RPL39L: variants seen among roughly 807,000 people sequenced by gnomAD.
The protein encoded by RPL39L is ribosomal protein eL39-like 2.
For missense variants in RPL39L, 48 were observed against 58.9 expected (o/e 0.81, Z 0.61); for synonymous variants, 16 against 20.1 (o/e 0.80, Z 0.55).
intron 1 of RPL39L, among the ~76,000 whole-genome samples, chr3:187,135,576 C>T (rs1286103113): frequency 6.6e-6 from 1 of 152,176 alleles, no homozygotes; most frequent in Non-Finnish European, 1.5e-5. Context: ...AATAAACCTC[C>T]TTCTTTTGTA....
Position 187,128,639 on chromosome 3 carries a change from AG to A in RPL39L, c.-92-578del, listed in dbSNP as rs1364134093. Among the ~76,000 whole-genome samples the A allele has an allele frequency of 6.6e-5, 10 of 152,270 alleles. No homozygotes were observed. The South Asian group carries it at 2.1e-3, about 32-fold the overall frequency. Reference sequence around the variant, plus strand: ...ATCCTCCTGCCTCAGTCTCCTGAATAGCTGGGACTACAGGTTATGTCCCAGC... The same window carrying A: ...ATCCTCCTGCCTCAGTCTCCTGAATACTGGGACTACAGGTTATGTCCCAGC... On this transcript the variant is annotated intron_variant, in intron 1 of 2. Transcript: ENST00000296277.
chr3:187,138,975 C>T (rs1351305292), intron 1 of RPL39L, among the ~76,000 whole-genome samples: 1 of 152,188 alleles, frequency 6.6e-6, no homozygotes, highest in Non-Finnish European at 1.5e-5. Flanking sequence ...GGGAGAATCG[C>T]TTGAATCCGG....
intron 2 of RPL39L, among the ~76,000 whole-genome samples, chr3:187,125,758 C>T (rs1429755883): frequency 6.6e-6 from 1 of 152,136 alleles, no homozygotes; most frequent in Non-Finnish European, 1.5e-5. Flanking sequence ...TGGTTGACAT[C>T]AACTGTAAAA....
At chr3:187,136,173 A>G (rs1029534941) in intron 1 of RPL39L, among the ~76,000 whole-genome samples, 1 of 152,142 alleles carries the variant, frequency 6.6e-6, no homozygotes, top group African/African-American at 2.4e-5. Context: ...ATTTACAGGT[A>G]ATTTTCTGTC....
At chr3:187,129,802 C>G (rs537316519) in intron 1 of RPL39L, among the ~76,000 whole-genome samples, 35 of 151,360 alleles carry the variant, frequency 2.3e-4, no homozygotes, top group Non-Finnish European at 3.2e-4. Flanking sequence ...TCTGAGTTTT[C>G]CTCCCTACTC....
At chr3:187,133,361 A>C (rs1202943452) in intron 1 of RPL39L, among the ~76,000 whole-genome samples, 1 of 152,054 alleles carries the variant, frequency 6.6e-6, no homozygotes, top group African/African-American at 2.4e-5. Context: ...GATGGTTTAA[A>C]AGTGGCACTT....
chr3:187,127,928 T>C (rs1339061729), intron 2 of RPL39L, 71 bp downstream of exon 2: 1 of 152,220 alleles, frequency 6.6e-6, no homozygotes, highest in Non-Finnish European at 1.5e-5. Context: ...CTTAAATTTT[T>C]AACAAAGTGT....
intron 2 of RPL39L, among the ~76,000 whole-genome samples, chr3:187,126,096 G>A (rs1720392550): frequency 6.6e-6 from 1 of 151,852 alleles, no homozygotes; most frequent in Non-Finnish European, 1.5e-5. Flanking sequence ...TGTGTCCCAT[G>A]TCTGATTAAA....
At chr3:187,133,606 G>C (rs924804025) in intron 1 of RPL39L, among the ~76,000 whole-genome samples, 1 of 152,140 alleles carries the variant, frequency 6.6e-6, no homozygotes, top group Admixed American at 6.5e-5. Flanking sequence ...CCAAGACTGA[G>C]GTTGGACCAG....
At chr3:187,123,722 A>C (rs1560199153) in intron 2 of RPL39L, among the ~76,000 whole-genome samples, 1 of 152,216 alleles carries the variant, frequency 6.6e-6, no homozygotes, top group Non-Finnish European at 1.5e-5. Context: ...CTTGTTTGAA[A>C]GTCTTCTGTA....
At chr3:187,123,297 T>C (rs1374441828) in intron 2 of RPL39L, among the ~76,000 whole-genome samples, 1 of 152,268 alleles carries the variant, frequency 6.6e-6, no homozygotes, top group East Asian at 1.9e-4. Flanking sequence ...ATATAAAACA[T>C]TGAAAACTAA....
chr3:187,130,798 T>C (rs575500000), intron 1 of RPL39L, among the ~76,000 whole-genome samples: 3 of 152,362 alleles, frequency 2.0e-5, no homozygotes, highest in South Asian at 4.1e-4. Flanking sequence ...CTGAGCAATC[T>C]TTAATTTTGA....
rs1234552521 is a variant in RPL39L, at chr3:187,121,185, G to C, written c.116C>G (p.Ser39Cys). 3.7e-6 allele frequency: 6 copies of C among 1,613,872 alleles called. No homozygotes were observed. Among genetic ancestry groups the C allele is most frequent in the South Asian group, 1.1e-5 (1 of 91,064 alleles). ...MKPGSKIRYN[S>C]KRRHWRRTKL... ...GGTTCTTCTCCAATGCCTCCTTTTG[G>C]AGTTGTACCTGATTTTACTACCAGG... Residue 39 changes from serine to cysteine, a missense_variant, in exon 3 of 3, where the codon TCC becomes TGC. Ser to Cys is a moderately radical substitution (Grantham distance 112). Coordinates refer to ENST00000296277, the MANE Select transcript of RPL39L (RefSeq NM_052969.3).
At chr3:187,136,973 G>A (rs1720590258) in intron 1 of RPL39L, among the ~76,000 whole-genome samples, 1 of 150,516 alleles carries the variant, frequency 6.6e-6, no homozygotes, top group African/African-American at 2.5e-5. Flanking sequence ...TGGGAGGCGA[G>A]AGGATTGCTT....
chr3:187,122,387 C>T (rs1216469000), intron 2 of RPL39L, among the ~76,000 whole-genome samples: 1 of 37,142 alleles, frequency 2.7e-5, no homozygotes, highest in Non-Finnish European at 4.1e-5. Flanking sequence ...ATGACAAAGG[C>T]ATTTTTTTTT....
At chr3:187,129,913 A>G (rs1720459337) in intron 1 of RPL39L, among the ~76,000 whole-genome samples, 1 of 151,758 alleles carries the variant, frequency 6.6e-6, no homozygotes, top group Non-Finnish European at 1.5e-5. Context: ...GCCACTTAAT[A>G]AGAGCTGTAT....
chr3:187,123,777 T>C (rs1450714000), intron 2 of RPL39L, among the ~76,000 whole-genome samples: 1 of 152,128 alleles, frequency 6.6e-6, no homozygotes, highest in Non-Finnish European at 1.5e-5. Flanking sequence ...GTAGGACAAA[T>C]AGTTTACTGT....
chr3:187,130,965 C>T (rs904288467), intron 1 of RPL39L, among the ~76,000 whole-genome samples: 2 of 152,204 alleles, frequency 1.3e-5, no homozygotes, highest in African/African-American at 4.8e-5. Context: ...TGTTTGTTGA[C>T]TTATGAGCCC....
intron 1 of RPL39L, among the ~76,000 whole-genome samples, chr3:187,135,336 G>A (rs189363131): frequency 3.9e-5 from 6 of 152,286 alleles, no homozygotes; most frequent in South Asian, 2.1e-4. Flanking sequence ...CAACTCCCAC[G>A]TGTCGTGGGA....
Sources: allele counts gnomAD v4.1 joint callset (sites outside exome capture counted in the v4.1 genomes callset), GRCh38; gene constraint gnomAD v4.1.1; transcripts MANE v1.5; gene names NCBI Gene and HGNC (gene_info 2026-07-23, HGNC 2026-07-21).